FDXR: variants seen among roughly 807,000 people sequenced by gnomAD.
FDXR encodes NADPH:adrenodoxin oxidoreductase, mitochondrial.
A neutral mutation model predicts 58.3 loss-of-function variants in FDXR; 38 were observed. That is an observed-to-expected ratio of 0.65 (90% CI 0.50 to 0.85). The LOEUF (loss-of-function observed/expected upper bound fraction) is 0.85, where lower values mean the gene tolerates loss of function less well. Among genes scored for constraint, FDXR ranks in the 40% least tolerant of loss-of-function variants. The pLI is 0.00. For synonymous variants in FDXR, 275 were observed against 273.8 expected (o/e 1.00, Z -0.04); for missense variants, 624 against 671.0 (o/e 0.93, Z 0.77).
chr17:74,872,872 T>C lies in FDXR; in HGVS notation c.73A>G (p.Thr25Ala). 1 of 1,547,846 alleles carries C rather than the reference T, an allele frequency of 6.5e-7. No individual in the cohort carries two copies. The highest frequency in any genetic ancestry group is 8.7e-7 in the Non-Finnish European group (1 of 1,147,024). Reference protein sequence around the residue: ...PRTRLPPAGSTPSFCHHFSTQ... With the variant: ...PRTRLPPAGSAPSFCHHFSTQ... ...AAAGGCGCCCTGCTCCTACTCGGGG[T>C]GCTCCCGGCGGGAGGCAGCCGGGTC... Residue 25 changes from threonine (T) to alanine (A), a missense_variant, in exon 1 of 12, where the codon ACC becomes GCC. Transcript: ENST00000293195.
chr17:74,864,837 G>T lies in FDXR; in HGVS notation c.704C>A (p.Ala235Asp), dbSNP rs1235286130. The T allele has an allele frequency of 6.2e-7, 1 of 1,614,038 alleles. No homozygotes were observed. Among genetic ancestry groups the T allele is most frequent in the Non-Finnish European group, 8.5e-7 (1 of 1,179,990 alleles). The stretch of plus-strand genomic sequence containing the variant: ...TGGCCCCAGCACCTTAATGGTGAAG[G>T]CCACTTGCAGGGGTCCACGCCGGCC... ...LVGRRGPLQV[A>D]FTIKELREMI... The change falls in exon 7 of 12, where the codon GCC becomes GAC. Residue 235 changes from alanine to aspartate, a missense_variant. Transcript: ENST00000293195.
intron 2 of FDXR, chr17:74,868,798 A>G (rs2038279757): frequency 6.9e-7 from 1 of 1,439,970 alleles, no homozygotes; most frequent in East Asian, 2.5e-5. Context: ...TGAGGATTTA[A>G]CCCACTCCCT....
rs776020798 is a variant in FDXR at position 74,866,954 on chromosome 17, A to G, written c.178-78T>C. ...GCCCCCAGGTCCTCCCCTTCCCCAGACAGAGCAGGAGAGTTCAGGACCCTG... is the reference window on the plus strand; with the variant it reads ...GCCCCCAGGTCCTCCCCTTCCCCAGGCAGAGCAGGAGAGTTCAGGACCCTG... On this transcript the variant is annotated intron_variant, in intron 2 of 11. Transcript: ENST00000293195. 23 of 1,563,834 alleles carry G rather than the reference A, an allele frequency of 1.5e-5. No individual in the cohort carries two copies. Among genetic ancestry groups the G allele is most frequent in the South Asian group, 7.0e-5 (6 of 85,384 alleles).
intron 1 of FDXR, chr17:74,872,452 A>G (rs2038405458): frequency 4.6e-6 from 3 of 655,142 alleles, no homozygotes; most frequent in Admixed American, 3.0e-5. Context: ...TATCATCCCA[A>G]TCTCGCCCCC....
rs1438857075 is a variant in FDXR at position 74,866,215 on chromosome 17, C to T, written c.423G>A (p.Leu141=). The part of the protein sequence containing the change: ...LSYGAEDHRA[L]EIPGEELPGV... ...CTGGCAGCTCCTCACCAGGAATTTC[C>T]AGGGCCCGATGGTCCTCTGCCCCGT... Residue 141 remains leucine, a synonymous_variant, in exon 5 of 12, where the codon CTG becomes CTA. Coordinates refer to ENST00000293195, the MANE Select transcript of FDXR (RefSeq NM_024417.5). The T allele has an allele frequency of 6.2e-7, 1 of 1,613,914 alleles. No homozygotes were observed. The highest frequency in any genetic ancestry group is 8.5e-7 in the Non-Finnish European group (1 of 1,180,012).
chr17:74,868,656 T>G, intron 2 of FDXR: 1 of 1,535,522 alleles, frequency 6.5e-7, no homozygotes, highest in Non-Finnish European at 8.7e-7. Flanking sequence ...TTCTTACCCC[T>G]TATCTCTCGT....
rs753592918 is a variant in FDXR, at chr17:74,864,335, G to A, written c.815C>T (p.Pro272Leu). ...LQDKIKEVPR[P>L]RKRLTELLLR... ...CAGCAGTTCCGTCAGCCGCTTCCTC[G>A]GGCGGGGGACCTCTGTCAGCAACGT... is the stretch of plus-strand genomic sequence containing the variant. Residue 272 changes from proline (P) to leucine (L), a missense_variant, in exon 9 of 12, where the codon CCG becomes CTG. Physicochemically the swap from Pro to Leu is moderately conservative, Grantham distance 98. Transcript: ENST00000293195. The A allele has an allele frequency of 8.9e-6, 14 of 1,575,338 alleles. No homozygotes were observed. The highest frequency in any genetic ancestry group is 1.8e-5 in the Admixed American group (1 of 55,824).
intron 5 of FDXR, 144 bp downstream of exon 5, chr17:74,865,987 A>C (rs1040337402): frequency 3.6e-6 from 3 of 837,018 alleles, no homozygotes; most frequent in Non-Finnish European, 5.8e-6. Flanking sequence ...CTCTCCCCCG[A>C]GGCCCTCCAC....
chr17:74,871,886 G>A (rs2038385208), intron 2 of FDXR, 150 bp downstream of exon 2: 3 of 558,916 alleles, frequency 5.4e-6, no homozygotes, highest in African/African-American at 3.9e-5. Flanking sequence ...AGGTGTAGGT[G>A]AGGAAGCAAG....
chr17:74,862,846 G>A lies in FDXR; in HGVS notation c.1447C>T (p.Gln483Ter), dbSNP rs1402223424. The A allele has an allele frequency of 1.9e-6, 3 of 1,612,588 alleles. No homozygotes were observed. The highest frequency in any genetic ancestry group is 2.5e-6 in the Non-Finnish European group (3 of 1,179,964). ...TGGCCCAGGAGGCGCAGCATCTCCT[G>A]AGGATCCACCAGCTTCTCCCTGGGC... ...GKPREKLVDP[Q>*]EMLRLLGH The change falls in exon 12 of 12, where the codon CAG becomes TAG. Residue 483 changes from glutamine to a stop codon, truncating the protein, a stop_gained. Transcript: ENST00000293195. LOFTEE classifies it high-confidence loss of function.
In FDXR at chr17:74,864,474, C is replaced by G; in HGVS notation, c.802+6G>C. On this transcript the variant is annotated splice_donor_region_variant and intron_variant, in intron 8 of 11. Transcript: ENST00000293195. ...GTAGTTGGGGGGCCAGGCCAGGGCC[C>G]CTCACCCTTGATCTTGTCCTGGAGA... 6.2e-7 allele frequency: 1 copy of G among 1,613,780 alleles called. No individual in the cohort carries two copies. The highest frequency in any genetic ancestry group is 8.5e-7 in the Non-Finnish European group (1 of 1,179,696).
intron 2 of FDXR, among the ~76,000 whole-genome samples, chr17:74,870,516 C>CAAAAAAAAAAAAAAAAAAAAAAAAAAAA (rs1168237892): frequency 1.8e-5 from 1 of 54,982 alleles, no homozygotes; most frequent in Non-Finnish European, 3.0e-5. Context: ...GACTCCATCT[C>CAAAAAAAAAAAAAAAAAAAAAAAAAAAA]AAAAAAAAAA....
In FDXR at chr17:74,863,094, C is replaced by T. The variant is rs372300472; in HGVS notation, c.1327G>A (p.Ala443Thr). ...CCCAGACCTCGGCTGCTGAGCAGGGCCTGGATGGCTGCGTAGCCAGGCCTG... is the reference window on the plus strand; with the variant it reads ...CCCAGACCTCGGCTGCTGAGCAGGGTCTGGATGGCTGCGTAGCCAGGCCTG... ...GPRPGYAAIQ[A>T]LLSSRGVRPV... The change falls in exon 11 of 12, where the codon GCC becomes ACC. Residue 443 changes from alanine (A) to threonine (T), a missense_variant. By Grantham distance (58) the Ala-to-Thr change is moderately conservative (BLOSUM62 0). Coordinates refer to ENST00000293195, the MANE Select transcript of FDXR (RefSeq NM_024417.5). The T allele has an allele frequency of 3.7e-6, 6 of 1,612,824 alleles. No homozygotes were observed. The highest frequency in any genetic ancestry group is 1.7e-5 in the Admixed American group (1 of 59,968).
chr17:74,862,692 A>AGCCAAGCC lies in FDXR; in HGVS notation c.*117_*124dup, dbSNP rs1415683723. 3 of 1,310,994 alleles carry AGCCAAGCC rather than the reference A, an allele frequency of 2.3e-6. No homozygotes were observed. The highest frequency in any genetic ancestry group is 3.1e-6 in the Non-Finnish European group (3 of 972,754). The allele number at this position is 1,310,994 out of a possible 1,614,324, so 81.2% of individuals were successfully genotyped here. On this transcript the variant is annotated 3_prime_UTR_variant, in exon 12 of 12. Transcript: ENST00000293195. ...GAGGGAGGAGAGACGCTGGAAGAGC[A>AGCCAAGCC]GCCAAGCCTCCAAGCCAGGGCCGGC...
intron 6 of FDXR, among the ~76,000 whole-genome samples, chr17:74,865,487 A>G (rs1025300393): frequency 1.3e-5 from 2 of 152,060 alleles, no homozygotes; most frequent in Non-Finnish European, 2.9e-5. Context: ...GATGTGGCTT[A>G]CTGAAGAGTA....
At chr17:74,871,205 G>T (rs954111926) in intron 2 of FDXR, among the ~76,000 whole-genome samples, 1 of 152,236 alleles carries the variant, frequency 6.6e-6, no homozygotes, top group Non-Finnish European at 1.5e-5. Flanking sequence ...GCATGCACGG[G>T]TCACTTTTCA....
At chr17:74,865,882 G>T (rs2144658614) in intron 5 of FDXR, 62 bp from the exon 6 acceptor site, 1 of 1,317,148 alleles carries the variant, frequency 7.6e-7, no homozygotes, top group Non-Finnish European at 1.1e-6. Context: ...ATCTCAGTCT[G>T]CAGGTGCCTC....
Position 74,862,895 on chromosome 17 carries a change from C to T in FDXR, c.1398G>A (p.Val466=). ...SDWEKLDAEE[V]ARGQGTGKPR... ...GCTTCCCCGTGCCCTGGCCCCGGGC[C>T]ACCTCCTCGGCATCCAGCTTCTCCC... is the stretch of plus-strand genomic sequence containing the variant. Residue 466 remains valine, a synonymous_variant, in exon 12 of 12, where the codon GTG becomes GTA. Transcript: ENST00000293195. 2 of 1,613,254 alleles carry T rather than the reference C, an allele frequency of 1.2e-6. No individual in the cohort carries two copies. The highest frequency in any genetic ancestry group is 2.7e-5 in the African/African-American group (2 of 75,066).
At position 74,867,027 on chromosome 17, in the gene FDXR, A is replaced by G. The variant is rs541594739; in HGVS notation, c.178-151T>C. ...CCCTCTGCAAGGAAAAAGAGCACTC[A>G]CTCCTTGGGTGGCTCGCGCCTGTCA... On this transcript the variant is annotated intron_variant, in intron 2 of 11. Coordinates refer to ENST00000293195, the MANE Select transcript of FDXR (RefSeq NM_024417.5). 1.8e-4 allele frequency: 269 copies of G among 1,459,446 alleles called. 2 individuals are homozygous for G. In the South Asian group the frequency reaches 3.7e-3, roughly 20 times the overall value. The allele number at this position is 1,459,446 out of a possible 1,614,324, so 90.4% of individuals were successfully genotyped here.
Sources: gnomAD v4.1 joint callset for allele counts (sites outside exome capture counted in the v4.1 genomes callset) on GRCh38, gnomAD v4.1.1 for gene constraint, MANE v1.5 for transcripts, NCBI Gene and HGNC (gene_info 2026-07-23, HGNC 2026-07-21) for gene names.